The following RPIA variants were observed in gnomAD, a reference collection of about 807,000 sequenced individuals.
The protein encoded by RPIA is ribose-5-phosphate isomerase.
In RPIA, 29 loss-of-function variants were observed where a neutral mutation model predicts 37.8. The ratio of observed to expected loss-of-function variants is 0.77; its 90% CI spans 0.57 to 1.05. The LOEUF (loss-of-function observed/expected upper bound fraction) is 1.05, where lower values mean the gene tolerates loss of function less well. Among genes scored for constraint, RPIA ranks in the 50% least tolerant of loss-of-function variants. RPIA has a pLI of 0.00. For missense variants in RPIA, 385 were observed against 413.6 expected, an observed-to-expected ratio of 0.93 and a Z score of 0.60; for synonymous variants, 167 against 157.0, an observed-to-expected ratio of 1.06 and a Z score of -0.48.
At chr2:88,718,581 G>T (rs1397168386) in intron 3 of RPIA, among the ~76,000 whole-genome samples, 1 of 152,166 alleles carries the variant, frequency 6.6e-6, no homozygotes, top group South Asian at 2.1e-4. Flanking sequence ...TACAGGGACT[G>T]CATAGACAAA....
intron 8 of RPIA, among the ~76,000 whole-genome samples, chr2:88,744,515 C>T (rs539340826): frequency 4.6e-5 from 7 of 152,156 alleles, no homozygotes; most frequent in Non-Finnish European, 1.0e-4. Flanking sequence ...AGTCCATTTG[C>T]TCCAGAGTAT....
chr2:88,744,660 A>G (rs966085335), intron 8 of RPIA, among the ~76,000 whole-genome samples: 3 of 152,190 alleles, frequency 2.0e-5, no homozygotes, highest in African/African-American at 7.2e-5. Flanking sequence ...TAACAGTTTT[A>G]TAAATTTGCG....
intron 3 of RPIA, among the ~76,000 whole-genome samples, chr2:88,706,095 C>T (rs1429537087): frequency 3.3e-5 from 5 of 152,100 alleles, no homozygotes; most frequent in Non-Finnish European, 7.4e-5. Context: ...AATGCTTTTA[C>T]ATTGTTGGTA....
At chr2:88,733,892 CT>C (rs1398900283) in intron 4 of RPIA, among the ~76,000 whole-genome samples, 8 of 152,128 alleles carry the variant, frequency 5.3e-5, no homozygotes, top group Non-Finnish European at 7.4e-5. Context: ...CCCTCAACTG[CT>C]TTTGGGGCTT....
chr2:88,737,121 T>C (rs1169987424), intron 7 of RPIA, among the ~76,000 whole-genome samples: 2 of 152,210 alleles, frequency 1.3e-5, no homozygotes, highest in Non-Finnish European at 2.9e-5. Context: ...GTAGAATTTC[T>C]TGGGGTGTGT....
intron 3 of RPIA, among the ~76,000 whole-genome samples, chr2:88,710,904 G>A (rs2104092298): frequency 6.6e-6 from 1 of 152,348 alleles, no homozygotes; most frequent in African/African-American, 2.4e-5. Context: ...TCACCCCTGA[G>A]CTGGTCTGCT....
chr2:88,720,307 C>T (rs997270959), intron 3 of RPIA, among the ~76,000 whole-genome samples: 7 of 151,924 alleles, frequency 4.6e-5, no homozygotes, highest in East Asian at 1.9e-4. Context: ...TTCCATAAAA[C>T]GTAAAATCTG....
chr2:88,715,036 A>G (rs1263370607), intron 3 of RPIA, among the ~76,000 whole-genome samples: 3 of 152,186 alleles, frequency 2.0e-5, no homozygotes, highest in Non-Finnish European at 4.4e-5. Flanking sequence ...TCCTACTGTA[A>G]CCACACAATA....
chr2:88,747,402 T>C (rs1033683584), intron 8 of RPIA, among the ~76,000 whole-genome samples: 10 of 152,212 alleles, frequency 6.6e-5, no homozygotes, highest in Non-Finnish European at 1.3e-4. Context: ...CCTGCCTGCC[T>C]GCACCTTCGG....
At chr2:88,700,944 C>G (rs1672822988) in intron 3 of RPIA, among the ~76,000 whole-genome samples, 1 of 152,140 alleles carries the variant, frequency 6.6e-6, no homozygotes, top group African/African-American at 2.4e-5. Flanking sequence ...GACTGATGCT[C>G]CTGGGACTTT....
intron 8 of RPIA, among the ~76,000 whole-genome samples, chr2:88,740,779 C>T (rs1673372607): frequency 6.6e-6 from 1 of 152,176 alleles, no homozygotes; most frequent in Non-Finnish European, 1.5e-5. Flanking sequence ...AGACTGCTGC[C>T]CATTCATCTC....
chr2:88,707,352 C>G (rs1672910751), intron 3 of RPIA, among the ~76,000 whole-genome samples: 1 of 151,834 alleles, frequency 6.6e-6, no homozygotes, highest in Non-Finnish European at 1.5e-5. Context: ...GTCCTAACAT[C>G]TCAAGTCCTG....
At chr2:88,697,824 A>G (rs1164430710) in intron 1 of RPIA, among the ~76,000 whole-genome samples, 2 of 152,134 alleles carry the variant, frequency 1.3e-5, no homozygotes, top group Non-Finnish European at 2.9e-5. Context: ...AGATGCTGAC[A>G]TACTTTATTA....
At chr2:88,718,285 G>C (rs1295156358) in intron 3 of RPIA, among the ~76,000 whole-genome samples, 1 of 152,170 alleles carries the variant, frequency 6.6e-6, no homozygotes, top group Non-Finnish European at 1.5e-5. Flanking sequence ...TGGTAGGACT[G>C]ATTTGCTTTA....
intron 3 of RPIA, among the ~76,000 whole-genome samples, chr2:88,716,802 C>T (rs1673041761): frequency 6.6e-6 from 1 of 152,168 alleles, no homozygotes; most frequent in Non-Finnish European, 1.5e-5. Context: ...CCCCCTTTGC[C>T]CTCTGAAGAT....
intron 8 of RPIA, among the ~76,000 whole-genome samples, chr2:88,742,245 T>G (rs887132075): frequency 6.6e-6 from 1 of 152,170 alleles, no homozygotes; most frequent in African/African-American, 2.4e-5. Flanking sequence ...GAGATGAGAA[T>G]CCAGTTTCAT....
Position 88,727,084 on chromosome 2 carries a change from C to CGT in RPIA, c.403-2182_403-2181dup, listed in dbSNP as rs59619042. Among the ~76,000 whole-genome samples the CGT allele has an allele frequency of 1.1e-4, 16 of 151,966 alleles. No individual in the cohort carries two copies. The East Asian group carries it at 1.7e-3, about 17-fold the overall frequency. On this transcript the variant is annotated intron_variant, in intron 3 of 8. Coordinates refer to ENST00000283646, the MANE Select transcript of RPIA (RefSeq NM_144563.3). ...TGGTTTAATATCTCTTGTGTGCGTG[C>CGT]GTGTGTGTGTGTGCGCGCGCATGTG... is the stretch of plus-strand genomic sequence containing the variant.
At chr2:88,716,228 T>C (rs776763490) in intron 3 of RPIA, among the ~76,000 whole-genome samples, 17 of 152,212 alleles carry the variant, frequency 1.1e-4, no homozygotes, top group Non-Finnish European at 1.8e-4. Context: ...TATCTACTTA[T>C]GACCCGGAAG....
chr2:88,725,923 G>A (rs1394524662), intron 3 of RPIA, among the ~76,000 whole-genome samples: 1 of 152,196 alleles, frequency 6.6e-6, no homozygotes, highest in Non-Finnish European at 1.5e-5. Context: ...GGATCTTGAA[G>A]TCATTGTACA....
Sources: allele counts gnomAD v4.1 joint callset (sites outside exome capture counted in the v4.1 genomes callset), GRCh38; gene constraint gnomAD v4.1.1; transcripts MANE v1.5; gene names NCBI Gene and HGNC (gene_info 2026-07-23, HGNC 2026-07-21).